SECTM1: variants seen among roughly 807,000 people sequenced by gnomAD.
The protein encoded by SECTM1 is secreted and transmembrane 1.
Under a neutral mutation model 18.1 loss-of-function variants are expected in SECTM1, and 10 were observed. The ratio of observed to expected loss-of-function variants is 0.55; its 90% confidence interval spans 0.34 to 0.94. The LOEUF (loss-of-function observed/expected upper bound fraction) is 0.94. SECTM1 is among the 40% of genes least tolerant of loss of function. The probability of loss-of-function intolerance (pLI) is 0.02; values close to 1 mark genes in which losing one functional copy is unlikely to be tolerated. For missense variants in SECTM1, 297 were observed against 322.6 expected (o/e 0.92, Z 0.61); for synonymous variants, 137 against 139.2 (o/e 0.98, Z 0.11).
intron 1 of SECTM1, 65 bp from the exon 2 acceptor site, chr17:82,327,357 C>T: frequency 1.1e-6 from 1 of 943,122 alleles, no homozygotes; most frequent in Non-Finnish European, 1.6e-6. Context: ...GCGGGAGCGG[C>T]TGTCACCTGG....
intron 1 of SECTM1, 33 bp downstream of exon 1, chr17:82,333,664 CTCT>C (rs1205203916): frequency 2.7e-4 from 39 of 142,206 alleles, no homozygotes; most frequent in South Asian, 4.4e-4. Context: ...GAGCCCGCCC[CTCT>C]GGTTCCCCCG....
At position 82,326,235 on chromosome 17, in the gene SECTM1, TG is replaced by T. The variant is rs1263917630; in HGVS notation, c.94+911del. Among the ~76,000 whole-genome samples the T allele has an allele frequency of 6.6e-6, 1 of 152,246 alleles. No homozygotes were observed. The highest frequency in any genetic ancestry group is 2.4e-5 in the African/African-American group (1 of 41,464). On this transcript the variant is annotated intron_variant, in intron 2 of 4. Transcript: ENST00000269389. The surrounding 1 kb of genome is among the most constrained non-coding windows in gnomAD (Gnocchi z 4.3). ...TCCCTTTCAGTTTTGTTTTGTTTTT[TG>T]TTCGTTCTTAGGATTCTGACTGAAC...
rs2052170597 is a variant in SECTM1, at chr17:82,328,940, C to G, written c.-52-1648G>C. Among the ~76,000 whole-genome samples the G allele has an allele frequency of 2.0e-5, 3 of 152,216 alleles. No homozygotes were observed. Among genetic ancestry groups the G allele is most frequent in the African/African-American group, 7.2e-5 (3 of 41,456 alleles). The stretch of plus-strand genomic sequence containing the variant: ...GAGTGCAGATGACCTGCAGGGAACT[C>G]CCATGAGGGAACTCTGTAAAGCGAC... On this transcript the variant is annotated intron_variant, in intron 1 of 4. Transcript: ENST00000269389. This position sits in a 1 kb window ranked among gnomAD's most constrained non-coding sequence, Gnocchi z 5.8.
In SECTM1 at chr17:82,322,059, C is replaced by A. The variant is rs2052095693; in HGVS notation, c.*102G>T. ...ACAGAGGCCCAGCCTGCCAAGCAAGCCGGTGTCTGTGCCCTCCGGGTGGGA... is the reference window on the plus strand; with the variant it reads ...ACAGAGGCCCAGCCTGCCAAGCAAGACGGTGTCTGTGCCCTCCGGGTGGGA... On this transcript the variant is annotated 3_prime_UTR_variant, in exon 5 of 5. Coordinates refer to ENST00000269389, the MANE Select transcript of SECTM1 (RefSeq NM_003004.3). 1.7e-6 allele frequency: 2 copies of A among 1,153,260 alleles called. No homozygotes were observed. Among genetic ancestry groups the A allele is most frequent in the Non-Finnish European group, 2.5e-6 (2 of 785,970 alleles). 71.4% of individuals were successfully genotyped at this position (1,153,260 alleles called of 1,614,324 possible).
intron 1 of SECTM1, among the ~76,000 whole-genome samples, chr17:82,332,556 A>G (rs1397415684): frequency 2.0e-5 from 3 of 152,142 alleles, no homozygotes; most frequent in African/African-American, 7.2e-5. Context: ...CAGGGAACAC[A>G]GGTGACCCCA....
rs763536718 is a variant in SECTM1, at chr17:82,325,072, C to T, written c.95-182G>A. ...TCGTGTGGGAAGAATAAAATAGCAA[C>T]AAAAAAGACGGGTGGCTCTGTGTGT... is the stretch of plus-strand genomic sequence containing the variant. On this transcript the variant is annotated intron_variant, in intron 2 of 4. Transcript: ENST00000269389. This position sits in a 1 kb window ranked among gnomAD's most constrained non-coding sequence, Gnocchi z 7.6. Among the ~76,000 whole-genome samples, 17 of 152,054 alleles carry T rather than the reference C, an allele frequency of 1.1e-4. No homozygotes were observed. The highest frequency in any genetic ancestry group is 1.9e-4 in the Non-Finnish European group (13 of 67,984).
Position 82,322,943 on chromosome 17 carries a change from T to A in SECTM1, c.472A>T (p.Ile158Phe), listed in dbSNP as rs763020472. ...AACATGACCAGAGCGACCAAGAGGA[T>A]GAAGACAGCAGTGACCACCGCTGGC... ...PVPAVVTAVFILLVALVMFAW... is the reference protein window; with the variant it reads ...PVPAVVTAVFFLLVALVMFAW... The change falls in exon 4 of 5, where the codon ATC (isoleucine) becomes TTC (phenylalanine). Residue 158 changes from isoleucine (I) to phenylalanine (F), a missense_variant. Coordinates refer to ENST00000269389, the MANE Select transcript of SECTM1 (RefSeq NM_003004.3). The A allele has an allele frequency of 6.8e-6, 11 of 1,613,788 alleles. No homozygotes were observed.
chr17:82,321,450 A>C lies in SECTM1; in HGVS notation c.*711T>G, dbSNP rs1260185497. ...CCGCAGTGACGAAGACAAAAGCATG[A>C]ACAGATCTGGGTCCAAAGAGGCTCG... On this transcript the variant is annotated 3_prime_UTR_variant, in exon 5 of 5. Coordinates refer to ENST00000269389, the MANE Select transcript of SECTM1 (RefSeq NM_003004.3). The C allele has an allele frequency of 6.6e-6, 1 of 152,372 alleles. No homozygotes were observed. Among genetic ancestry groups the C allele is most frequent in the East Asian group, 1.9e-4 (1 of 5,198 alleles). The allele number at this position is 152,372 out of a possible 1,614,324, so 9.4% of individuals were successfully genotyped here.
chr17:82,331,614 C>A (rs2052191915), intron 1 of SECTM1, among the ~76,000 whole-genome samples: 1 of 152,252 alleles, frequency 6.6e-6, no homozygotes, highest in Non-Finnish European at 1.5e-5. Flanking sequence ...GGCAGCTCTG[C>A]CACTCTGCCC....
chr17:82,324,676 C>G lies in SECTM1; in HGVS notation c.309G>C (p.Val103=), dbSNP rs761265720. The G allele has an allele frequency of 4.3e-6, 7 of 1,614,142 alleles. No individual in the cohort carries two copies. The highest frequency in any genetic ancestry group is 5.9e-6 in the Non-Finnish European group (7 of 1,180,026). ...LQVQGGVAQL[V]IKGARDSHAG... ...CATGGGAGTCCCGGGCGCCTTTGAT[C>G]ACCAGCTGTGCCACGCCTCCCTGAA... Residue 103 remains valine (V), a synonymous_variant, in exon 3 of 5, where the codon GTG becomes GTC. Transcript: ENST00000269389.
At chr17:82,327,424 G>T in intron 1 of SECTM1, 132 bp from the exon 2 acceptor site, 1 of 590,070 alleles carries the variant, frequency 1.7e-6, no homozygotes, top group Non-Finnish European at 3.1e-6. Flanking sequence ...CTGGATGCTG[G>T]AGCCCCTGCC....
chr17:82,331,002 G>A (rs964052542), intron 1 of SECTM1, among the ~76,000 whole-genome samples: 2 of 152,092 alleles, frequency 1.3e-5, no homozygotes, highest in Non-Finnish European at 2.9e-5. Flanking sequence ...GCCTCTCCCC[G>A]GTCCTCCCTT....
intron 1 of SECTM1, among the ~76,000 whole-genome samples, chr17:82,331,079 A>G (rs2052187591): frequency 6.6e-6 from 1 of 152,206 alleles, no homozygotes; most frequent in African/African-American, 2.4e-5. Context: ...ACCCTTGTCC[A>G]GCCAGGGGTG....
At position 82,328,883 on chromosome 17, in the gene SECTM1, C is replaced by T. The variant is rs1413869048; in HGVS notation, c.-52-1591G>A. On this transcript the variant is annotated intron_variant, in intron 1 of 4. Coordinates refer to ENST00000269389, the MANE Select transcript of SECTM1 (RefSeq NM_003004.3). The surrounding 1 kb of genome is among the most constrained non-coding windows in gnomAD (Gnocchi z 5.8). ...GGTAGGGCGGCAACTCCAGCCCTGC[C>T]TCTCCCAGCTCCCAGTGCAGCCCAC... Among the ~76,000 whole-genome samples the T allele has an allele frequency of 6.6e-6, 1 of 152,210 alleles. No individual in the cohort carries two copies. Among genetic ancestry groups the T allele is most frequent in the Non-Finnish European group, 1.5e-5 (1 of 68,034 alleles).
At chr17:82,327,942 ACCAGCCCCCCCACCCT>A (rs1567844796) in intron 1 of SECTM1, among the ~76,000 whole-genome samples, 1 of 26,546 alleles carries the variant, frequency 3.8e-5, no homozygotes, top group African/African-American at 1.7e-4. Context: ...CAGCCCGTCC[ACCAGCCCCCCCACCCT>A]GCCCGTCCAC....
chr17:82,330,673 C>A lies in SECTM1; in HGVS notation c.-53+3027G>T, dbSNP rs949284522. 6.6e-6 allele frequency among the ~76,000 whole-genome samples: 1 copy of A among 152,108 alleles called. No homozygotes were observed. Among genetic ancestry groups the A allele is most frequent in the Non-Finnish European group, 1.5e-5 (1 of 68,004 alleles). On this transcript the variant is annotated intron_variant, in intron 1 of 4. Coordinates refer to ENST00000269389, the MANE Select transcript of SECTM1 (RefSeq NM_003004.3). The surrounding 1 kb of genome is among the most constrained non-coding windows in gnomAD (Gnocchi z 6.1). ...CCCGCTGTGCATTCCATGGGGCCAGCAGCTCGGTGGAGCCTCTGCTCTCGG... is the reference window on the plus strand; with the variant it reads ...CCCGCTGTGCATTCCATGGGGCCAGAAGCTCGGTGGAGCCTCTGCTCTCGG...
chr17:82,323,020 G>A lies in SECTM1; in HGVS notation c.404-9C>T, dbSNP rs754000280. On this transcript the variant is annotated splice_polypyrimidine_tract_variant and intron_variant, in intron 3 of 4. Coordinates refer to ENST00000269389, the MANE Select transcript of SECTM1 (RefSeq NM_003004.3). The stretch of plus-strand genomic sequence containing the variant: ...GGACTGGGGTTCTGCACCTGAAGGA[G>A]GCAGTTCAGGGGTGTACAGGTGGGC... The A allele has an allele frequency of 2.5e-5, 40 of 1,608,044 alleles. No individual in the cohort carries two copies. The highest frequency in any genetic ancestry group is 3.3e-5 in the Non-Finnish European group (39 of 1,177,202).
At chr17:82,331,770 C>A (rs2052193212) in intron 1 of SECTM1, among the ~76,000 whole-genome samples, 1 of 152,242 alleles carries the variant, frequency 6.6e-6, no homozygotes, top group Non-Finnish European at 1.5e-5. Flanking sequence ...ACTGGCCGGG[C>A]AGCTCCGTGT....
intron 2 of SECTM1, 68 bp from the exon 3 acceptor site, chr17:82,324,958 C>T: frequency 7.0e-7 from 1 of 1,432,034 alleles, no homozygotes. Flanking sequence ...GCTGCTGTGC[C>T]CAGGGCCAGG....
Sources: allele counts gnomAD v4.1 joint callset (sites outside exome capture counted in the v4.1 genomes callset), GRCh38; gene constraint gnomAD v4.1.1; non-coding constraint Gnocchi (gnomAD v3.1); transcripts MANE v1.5; gene names NCBI Gene and HGNC (gene_info 2026-07-23, HGNC 2026-07-21).